ERC1: variants seen among roughly 807,000 people sequenced by gnomAD.
The protein encoded by ERC1 is RAB6 interacting protein 2.
Under a neutral mutation model 132.0 loss-of-function variants are expected in ERC1, and 56 were observed. That is an observed-to-expected ratio of 0.42 (90% CI 0.34 to 0.53). The LOEUF (loss-of-function observed/expected upper bound fraction) is 0.53. Ranked by LOEUF, ERC1 falls within the 20% of genes least tolerant of loss-of-function variation. The pLI is 0.03. For missense variants in ERC1, 1,202 were observed against 1,349.9 expected (o/e 0.89, Z 1.72); for synonymous variants, 478 against 476.1 (o/e 1.00, Z -0.05).
intron 3 of ERC1, among the ~76,000 whole-genome samples, chr12:1,096,846 T>A (rs1393130047): frequency 1.3e-5 from 2 of 152,208 alleles, no homozygotes; most frequent in South Asian, 2.1e-4. Context: ...GTCCTGTACG[T>A]GAACCAACCC....
At chr12:1,173,885 A>C (rs1483255493) in intron 8 of ERC1, among the ~76,000 whole-genome samples, 1 of 152,210 alleles carries the variant, frequency 6.6e-6, no homozygotes, top group Non-Finnish European at 1.5e-5. Context: ...ATGATGCTGA[A>C]TTCAGTGAGT....
intron 13 of ERC1, among the ~76,000 whole-genome samples, chr12:1,249,444 G>T (rs934911111): frequency 1.3e-5 from 2 of 152,224 alleles, no homozygotes; most frequent in South Asian, 2.1e-4. Context: ...CTAAATCCTC[G>T]CAGTTGGAAT....
At chr12:1,305,818 C>A (rs1289993340) in intron 15 of ERC1, among the ~76,000 whole-genome samples, 1 of 151,994 alleles carries the variant, frequency 6.6e-6, no homozygotes, top group African/African-American at 2.4e-5. Flanking sequence ...CTTCAAAATC[C>A]ATCAGATGGA....
At chr12:1,177,053 A>C (rs972705492) in intron 8 of ERC1, among the ~76,000 whole-genome samples, 2 of 151,916 alleles carry the variant, frequency 1.3e-5, no homozygotes, top group Admixed American at 6.6e-5. Context: ...CTCATGACCA[A>C]CCTCTGCTAG....
intron 15 of ERC1, among the ~76,000 whole-genome samples, chr12:1,325,620 T>C (rs2082394962): frequency 6.6e-6 from 1 of 152,204 alleles, no homozygotes; most frequent in South Asian, 2.1e-4. Context: ...ATTTTAACTT[T>C]CTTTGATTCC....
chr12:1,471,254 T>G (rs2093854323), intron 18 of ERC1, among the ~76,000 whole-genome samples: 1 of 152,156 alleles, frequency 6.6e-6, no homozygotes, highest in Non-Finnish European at 1.5e-5. Context: ...GCGAGACCCT[T>G]TCTCTAAAAA....
intron 15 of ERC1, among the ~76,000 whole-genome samples, chr12:1,338,913 C>A (rs750712428): frequency 6.6e-6 from 1 of 152,208 alleles, no homozygotes; most frequent in South Asian, 2.1e-4. Flanking sequence ...GTTAGGAGTC[C>A]ACTGTGCTGG....
chr12:1,092,609 T>C (rs1943393573), intron 3 of ERC1, among the ~76,000 whole-genome samples: 1 of 152,216 alleles, frequency 6.6e-6, no homozygotes, highest in Non-Finnish European at 1.5e-5. Flanking sequence ...TATGATGGTA[T>C]GTGATTAAAC....
At chr12:1,241,847 CTTTTTTTTTTTTT>C (rs57016547) in intron 13 of ERC1, among the ~76,000 whole-genome samples, 2 of 80,490 alleles carry the variant, frequency 2.5e-5, no homozygotes, top group Non-Finnish European at 4.6e-5. Flanking sequence ...TCTTCTTCTT[CTTTTTTTTTTTTT>C]TTTTTTTTTT....
At chr12:1,035,560 GT>G in intron 2 of ERC1, among the ~76,000 whole-genome samples, 1 of 152,232 alleles carries the variant, frequency 6.6e-6, no homozygotes, top group Middle Eastern at 3.4e-3. Context: ...AGTCAGGAAG[GT>G]TTTTGGTGTA....
At chr12:1,395,892 C>T (rs1165024824) in intron 16 of ERC1, among the ~76,000 whole-genome samples, 1 of 150,784 alleles carries the variant, frequency 6.6e-6, no homozygotes, top group African/African-American at 2.4e-5. Flanking sequence ...GGTGATGTGC[C>T]CAAGAATACC....
rs2076334170 is a variant in ERC1, at chr12:1,249,260, A to G, written c.2487+12356A>G. 1.3e-5 allele frequency among the ~76,000 whole-genome samples: 2 copies of G among 152,226 alleles called. 1 individual carries two copies. Among genetic ancestry groups the G allele is most frequent in the South Asian group, 4.1e-4 (2 of 4,834 alleles). On this transcript the variant is annotated intron_variant, in intron 13 of 18. Coordinates refer to ENST00000360905, the MANE Select transcript of ERC1 (RefSeq NM_178040.4). Reference sequence around the variant, plus strand: ...AATAATTTCAATTATAGTAATTGCTATACGCAGAACTGAAATTAGGTAAAT... The same window carrying G: ...AATAATTTCAATTATAGTAATTGCTGTACGCAGAACTGAAATTAGGTAAAT...
At chr12:1,306,931 T>G (rs192678199) in intron 15 of ERC1, among the ~76,000 whole-genome samples, 1 of 152,276 alleles carries the variant, frequency 6.6e-6, no homozygotes, top group African/African-American at 2.4e-5. Context: ...ATGGTTGTAG[T>G]TGGGAGGTTT....
chr12:1,450,209 T>G lies in ERC1; in HGVS notation c.3213+5459T>G, dbSNP rs540515376. On this transcript the variant is annotated intron_variant, in intron 18 of 18. Coordinates refer to ENST00000360905, the MANE Select transcript of ERC1 (RefSeq NM_178040.4). Reference sequence around the variant, plus strand: ...ACATAAATTTTACCATCTTAAAAATTTTTACGTGCACAGTTCAGTGTTATA... The same window carrying G: ...ACATAAATTTTACCATCTTAAAAATGTTTACGTGCACAGTTCAGTGTTATA... Among the ~76,000 whole-genome samples, 5 of 152,336 alleles carry G rather than the reference T, an allele frequency of 3.3e-5. No individual in the cohort carries two copies. The South Asian group carries it at 6.2e-4, about 19-fold the overall frequency.
intron 7 of ERC1, among the ~76,000 whole-genome samples, chr12:1,134,087 A>C (rs1050305750): frequency 6.6e-6 from 1 of 152,084 alleles, no homozygotes; most frequent in Non-Finnish European, 1.5e-5. Flanking sequence ...TTGTTTTGTG[A>C]TGCTGGTAAA....
intron 15 of ERC1, among the ~76,000 whole-genome samples, chr12:1,316,306 G>A (rs1420857847): frequency 6.6e-6 from 1 of 152,116 alleles, no homozygotes; most frequent in Non-Finnish European, 1.5e-5. Context: ...TTGTCAGGTT[G>A]AGACTTTCTT....
intron 15 of ERC1, among the ~76,000 whole-genome samples, chr12:1,339,380 A>G (rs952533604): frequency 3.5e-5 from 5 of 141,710 alleles, no homozygotes; most frequent in Non-Finnish European, 6.1e-5. Flanking sequence ...CATTCACTGC[A>G]GTGGCAGAGG....
chr12:1,418,798 G>A (rs565308104), intron 17 of ERC1, among the ~76,000 whole-genome samples: 20 of 150,376 alleles, frequency 1.3e-4, no homozygotes, highest in African/African-American at 4.7e-4. Context: ...CCGTAGCCTC[G>A]GACTCATGGG....
At chr12:1,426,509 T>C (rs1465797302) in intron 17 of ERC1, among the ~76,000 whole-genome samples, 2 of 152,170 alleles carry the variant, frequency 1.3e-5, no homozygotes, top group Admixed American at 6.5e-5. Flanking sequence ...TTAGGGTTAG[T>C]CTCTTTTGTT....
Sources: gnomAD v4.1 joint callset for allele counts (sites outside exome capture counted in the v4.1 genomes callset) on GRCh38, gnomAD v4.1.1 for gene constraint, MANE v1.5 for transcripts, NCBI Gene and HGNC (gene_info 2026-07-23, HGNC 2026-07-21) for gene names.